Variants in TRIM26 observed in about 807,000 individuals in gnomAD.
TRIM26 encodes tripartite motif containing 26.
TRIM26 carries 16 observed loss-of-function variants against 45.5 expected under a neutral mutation model. That is an observed-to-expected ratio of 0.35 (90% confidence interval 0.24 to 0.53). The LOEUF is 0.53. Among genes scored for constraint, TRIM26 ranks in the 20% least tolerant of loss-of-function variants. The pLI is 0.92. For synonymous variants in TRIM26, 273 were observed against 290.4 expected (o/e 0.94, Z 0.61); for missense variants, 442 against 691.1 (o/e 0.64, Z 4.04).
In TRIM26 at chr6:30,186,388, A is replaced by T; in HGVS notation, c.1108T>A (p.Trp370Arg). 6.2e-7 allele frequency: 1 copy of T among 1,611,624 alleles called. No individual in the cohort carries two copies. The highest frequency in any genetic ancestry group is 8.5e-7 in the Non-Finnish European group (1 of 1,179,340). Residue 370 changes from tryptophan to arginine, a missense_variant, in exon 10 of 10, where the codon TGG (tryptophan) becomes AGG (arginine). Transcript: ENST00000454678. This position sits in a 1 kb window ranked among gnomAD's most constrained non-coding sequence, Gnocchi z 7.4. ...SKGFTWGKVYWEVEVEREGWS... is the reference protein window; with the variant it reads ...SKGFTWGKVYREVEVEREGWS... ...CCCTCCCTCTCCACTTCCACTTCCC[A>T]GTAGACCTTGCCCCAGGTGAAGCCC...
At chr6:30,199,453 G>A (rs935871883) in intron 3 of TRIM26, among the ~76,000 whole-genome samples, 189 bp from the exon 4 acceptor site, 2 of 152,212 alleles carry the variant, frequency 1.3e-5, no homozygotes, top group South Asian at 4.1e-4. Flanking sequence ...TTGGAAAATC[G>A]CTGTAATGCA....
chr6:30,205,040 G>T (rs1777586210), intron 1 of TRIM26, among the ~76,000 whole-genome samples: 1 of 152,122 alleles, frequency 6.6e-6, no homozygotes, highest in Admixed American at 6.5e-5. Flanking sequence ...TCGGGAGTTT[G>T]AGACCAGCCT....
chr6:30,212,915 CAAAAAAAAAAA>C (rs3059548), intron 1 of TRIM26, among the ~76,000 whole-genome samples: 1 of 130,294 alleles, frequency 7.7e-6, no homozygotes, highest in African/African-American at 2.9e-5. Flanking sequence ...TTACTCCGAA[CAAAAAAAAAAA>C]AAAAAAAAAG....
Position 30,198,597 on chromosome 6 carries a change from C to T in TRIM26, c.438+69G>A, listed in dbSNP as rs1776741549. The T allele has an allele frequency of 6.2e-7, 1 of 1,610,816 alleles. No homozygotes were observed. The stretch of plus-strand genomic sequence containing the variant: ...CAGGAAGGGAGACTCAGGCTGAGTC[C>T]TCTGAGGACTGCAAGGTGGAGCATC... On this transcript the variant is annotated intron_variant, in intron 4 of 9. Coordinates refer to ENST00000454678, the MANE Select transcript of TRIM26 (RefSeq NM_003449.5). This position sits in a 1 kb window ranked among gnomAD's most constrained non-coding sequence, Gnocchi z 6.3.
At position 30,209,511 on chromosome 6, in the gene TRIM26, C is replaced by A. The variant is rs979098462; in HGVS notation, c.-376+3794G>T. ...TGCCTTTCTTGCAAGAGTCCATTGG[C>A]CAGAACCGTGAGCTGAATAAACATC... On this transcript the variant is annotated intron_variant, in intron 1 of 9. Coordinates refer to ENST00000454678, the MANE Select transcript of TRIM26 (RefSeq NM_003449.5). This position sits in a 1 kb window ranked among gnomAD's most constrained non-coding sequence, Gnocchi z 4.8. Among the ~76,000 whole-genome samples the A allele has an allele frequency of 5.3e-5, 8 of 150,762 alleles. No individual in the cohort carries two copies. The highest frequency in any genetic ancestry group is 2.0e-4 in the African/African-American group (8 of 40,480).
At chr6:30,199,797 T>C (rs1193332073) in intron 3 of TRIM26, among the ~76,000 whole-genome samples, 35 of 152,126 alleles carry the variant, frequency 2.3e-4, no homozygotes, top group African/African-American at 7.9e-4. Flanking sequence ...CCACCACACC[T>C]GGCTAATTTT....
At chr6:30,193,557 GT>G (rs796961160) in intron 6 of TRIM26, among the ~76,000 whole-genome samples, 1 of 151,930 alleles carries the variant, frequency 6.6e-6, no homozygotes, top group East Asian at 1.9e-4. Flanking sequence ...GCCATTTGGG[GT>G]TTTTTGTGAC....
chr6:30,187,542 T>G (rs551584446), intron 9 of TRIM26: 30 of 494,192 alleles, frequency 6.1e-5, no homozygotes, highest in African/African-American at 5.7e-4. Flanking sequence ...CCGACATCTT[T>G]GAAGTAGAAA....
At position 30,184,938 on chromosome 6, in the gene TRIM26, ACT is replaced by A. The variant is rs1774997232; in HGVS notation, c.*936_*937del. The A allele has an allele frequency of 6.6e-6, 1 of 152,336 alleles. No individual in the cohort carries two copies. The highest frequency in any genetic ancestry group is 1.9e-4 in the East Asian group (1 of 5,184). 9.4% of individuals were successfully genotyped at this position (152,336 alleles called of 1,614,324 possible). A position where few individuals can be genotyped will look rare whatever the true frequency, so the allele number is the denominator to read the frequency against. ...TTCCTTTCCCTGTCTTCCCATCTCC[ACT>A]CTCTCCTAGGAAAGTGGAACCTGGA... On this transcript the variant is annotated 3_prime_UTR_variant, in exon 10 of 10. Coordinates refer to ENST00000454678, the MANE Select transcript of TRIM26 (RefSeq NM_003449.5).
Position 30,190,009 on chromosome 6 carries a change from T to C in TRIM26, c.788+4A>G, listed in dbSNP as rs1206646925. On this transcript the variant is annotated splice_donor_region_variant and intron_variant, in intron 7 of 9. Transcript: ENST00000454678. The surrounding 1 kb of genome is among the most constrained non-coding windows in gnomAD (Gnocchi z 4.3). ...GGTACGCCATGGAGAGGAGACTCTT[T>C]TACCTGTTTAGGAAGTCTCTCGTGT... 1.2e-6 allele frequency: 2 copies of C among 1,612,130 alleles called. No individual in the cohort carries two copies. Among genetic ancestry groups the C allele is most frequent in the African/African-American group, 1.3e-5 (1 of 74,860 alleles).
chr6:30,210,927 AC>A (rs1324201873), intron 1 of TRIM26, among the ~76,000 whole-genome samples: 1 of 152,198 alleles, frequency 6.6e-6, no homozygotes, highest in Non-Finnish European at 1.5e-5. Context: ...GCTGAGGTTG[AC>A]CATGGGTAAC....
chr6:30,192,365 G>A (rs773261937), intron 6 of TRIM26, among the ~76,000 whole-genome samples: 7 of 152,110 alleles, frequency 4.6e-5, no homozygotes, highest in Admixed American at 2.6e-4. Flanking sequence ...GGGCCTGCCC[G>A]GGTTACCAGG....
At chr6:30,205,927 C>A (rs1371998172) in intron 1 of TRIM26, among the ~76,000 whole-genome samples, 2 of 152,134 alleles carry the variant, frequency 1.3e-5, no homozygotes, top group East Asian at 1.9e-4. Context: ...AATGGAGAGG[C>A]CTGGGTTTTC....
intron 2 of TRIM26, among the ~76,000 whole-genome samples, chr6:30,203,943 T>C (rs963378409): frequency 4.6e-5 from 7 of 152,166 alleles, no homozygotes; most frequent in Non-Finnish European, 7.3e-5. Flanking sequence ...AAGAGGTCTG[T>C]AGTAACCATC....
intron 9 of TRIM26, chr6:30,187,462 C>T: frequency 1.9e-6 from 1 of 521,334 alleles, no homozygotes. Flanking sequence ...AGAAAGGGTA[C>T]AAATGCATGA....
At chr6:30,212,399 T>C (rs1052734215) in intron 1 of TRIM26, among the ~76,000 whole-genome samples, 5 of 152,208 alleles carry the variant, frequency 3.3e-5, no homozygotes, top group Non-Finnish European at 5.9e-5. Context: ...CTTTGGTCAA[T>C]AATAATGTAT....
chr6:30,188,686 A>G (rs1349091143), intron 9 of TRIM26: 1 of 196,598 alleles, frequency 5.1e-6, no homozygotes, highest in East Asian at 1.2e-4. Flanking sequence ...AGTCTTCACA[A>G]TCCAAGGGGC....
chr6:30,186,582 A>AAG lies in TRIM26; in HGVS notation c.938-25_938-24insCT. On this transcript the variant is annotated intron_variant, in intron 9 of 9. Coordinates refer to ENST00000454678, the MANE Select transcript of TRIM26 (RefSeq NM_003449.5). This position sits in a 1 kb window ranked among gnomAD's most constrained non-coding sequence, Gnocchi z 7.4. ...CACTGTGGGGACAAGGGAAAAAAAA[A>AAG]AAAACAGCATCACTGTTTTGTTTTG... 1.3e-6 allele frequency: 2 copies of AAG among 1,499,122 alleles called. No individual in the cohort carries two copies. Among genetic ancestry groups the AAG allele is most frequent in the Non-Finnish European group, 1.8e-6 (2 of 1,128,606 alleles). The allele number at this position is 1,499,122 out of a possible 1,614,324, so 92.9% of individuals were successfully genotyped here.
At chr6:30,195,194 C>G (rs1307420583) in intron 6 of TRIM26, among the ~76,000 whole-genome samples, 1 of 152,122 alleles carries the variant, frequency 6.6e-6, no homozygotes, top group African/African-American at 2.4e-5. Context: ...TCAGCCCCAC[C>G]ACATCCTCAG....
Sources: allele counts gnomAD v4.1 joint callset (sites outside exome capture counted in the v4.1 genomes callset), GRCh38; gene constraint gnomAD v4.1.1; non-coding constraint Gnocchi (gnomAD v3.1); transcripts MANE v1.5; gene names NCBI Gene and HGNC (gene_info 2026-07-23, HGNC 2026-07-21).